The following KLF12 variants were observed in gnomAD, a reference collection of about 807,000 sequenced individuals.
The protein encoded by KLF12 is KLF transcription factor 12, also known as Krueppel-like factor 12.
KLF12 carries 9 observed loss-of-function variants against 37.8 expected under a neutral mutation model. The observed-to-expected ratio is 0.24, with a 90% CI of 0.14 to 0.42. KLF12 has a LOEUF of 0.42. Among genes scored for constraint, KLF12 ranks in the 10% least tolerant of loss-of-function variants. The pLI, the probability that KLF12 is intolerant of heterozygous loss-of-function variation, is 1.00. For missense variants in KLF12, 411 were observed against 516.0 expected (o/e 0.80, Z 1.97); for synonymous variants, 208 against 202.1 (o/e 1.03, Z -0.25).
intron 7 of KLF12, 49 bp downstream of exon 7, chr13:73,715,319 T>C: frequency 6.4e-7 from 1 of 1,570,358 alleles, no homozygotes; most frequent in Non-Finnish European, 8.7e-7. Flanking sequence ...TGGCCGGCGC[T>C]TTATGGACTC....
intron 2 of KLF12, among the ~76,000 whole-genome samples, chr13:73,965,121 A>G (rs974277092): frequency 4.6e-5 from 7 of 152,118 alleles, no homozygotes; most frequent in Non-Finnish European, 1.0e-4. Context: ...TCCAGATACC[A>G]TAACAGTCAA....
chr13:73,948,324 C>A (rs949370320), intron 2 of KLF12, among the ~76,000 whole-genome samples: 5 of 152,146 alleles, frequency 3.3e-5, no homozygotes, highest in Admixed American at 2.0e-4. Context: ...CAGGGTCAAG[C>A]AATTCTTGTG....
chr13:74,219,655 T>C, the KLF12 span, among the ~76,000 whole-genome samples: 1 of 152,214 alleles, frequency 6.6e-6, no homozygotes, highest in African/African-American at 2.4e-5. Flanking sequence ...TTAATGTGGG[T>C]CTTATTACTT....
Position 73,961,813 on chromosome 13 carries a change from T to C in KLF12, c.34-17743A>G, listed in dbSNP as rs142266331. 8.8e-3 allele frequency among the ~76,000 whole-genome samples: 1,335 copies of C among 152,258 alleles called. 29 individuals are homozygous for C. The highest frequency in any genetic ancestry group is 0.03 in the African/African-American group (1,228 of 41,554). ...CAACGAGATGCCATTACACAACTATTAGAATGGCCAAAATCCAAAACACTA... is the reference window on the plus strand; with the variant it reads ...CAACGAGATGCCATTACACAACTATCAGAATGGCCAAAATCCAAAACACTA... On this transcript the variant is annotated intron_variant, in intron 2 of 7. Coordinates refer to ENST00000377669, the MANE Select transcript of KLF12 (RefSeq NM_007249.5).
chr13:74,160,450 A>G, the KLF12 span, among the ~76,000 whole-genome samples: 2 of 152,260 alleles, frequency 1.3e-5, no homozygotes, highest in Non-Finnish European at 2.9e-5. Context: ...AGAGAATAAG[A>G]AAACTCATCT....
intron 6 of KLF12, among the ~76,000 whole-genome samples, chr13:73,757,489 G>A (rs1480122390): frequency 6.6e-6 from 1 of 152,132 alleles, no homozygotes; most frequent in African/African-American, 2.4e-5. Context: ...AGATCTGGTG[G>A]TCAACTGAGA....
chr13:73,927,039 G>A (rs1178180332), intron 3 of KLF12, among the ~76,000 whole-genome samples: 2 of 151,902 alleles, frequency 1.3e-5, no homozygotes, highest in African/African-American at 2.4e-5. Flanking sequence ...ATGTGAAAGG[G>A]TGTCATGTAT....
rs893074063 is a variant in KLF12, at chr13:73,690,906, A to C, written c.*4584T>G. 1 of 152,598 alleles carries C rather than the reference A, an allele frequency of 6.6e-6. No individual in the cohort carries two copies. The highest frequency in any genetic ancestry group is 1.5e-5 in the Non-Finnish European group (1 of 68,022). 9.5% of individuals were successfully genotyped at this position (152,598 alleles called of 1,614,324 possible). A position where few individuals can be genotyped will look rare whatever the true frequency, so the allele number is the denominator to read the frequency against. The stretch of plus-strand genomic sequence containing the variant: ...CCTTCTATTTCATTTTCTTATGAAA[A>C]TCTGGATTTCTATTGCAATTGCTCA... On this transcript the variant is annotated 3_prime_UTR_variant, in exon 8 of 8. Transcript: ENST00000377669.
At chr13:73,872,481 C>T (rs1886517836) in intron 3 of KLF12, among the ~76,000 whole-genome samples, 1 of 152,016 alleles carries the variant, frequency 6.6e-6, no homozygotes, top group Admixed American at 6.6e-5. Flanking sequence ...GGTGGGTGAC[C>T]CCTCACATGA....
intron 3 of KLF12, among the ~76,000 whole-genome samples, chr13:73,897,435 G>C (rs1156753485): frequency 2.6e-5 from 4 of 152,048 alleles, no homozygotes; most frequent in Non-Finnish European, 5.9e-5. Flanking sequence ...CACTCAGGTG[G>C]AACTAAATCC....
At chr13:73,903,953 T>A (rs73523212) in intron 3 of KLF12, among the ~76,000 whole-genome samples, 7,123 of 152,228 alleles carry the variant, frequency 0.047, 385 homozygotes, top group African/African-American at 0.13. Flanking sequence ...GGTTCCATTC[T>A]CGGAAAAATT....
At position 73,973,556 on chromosome 13, in the gene KLF12, C is replaced by G. The variant is rs1322715591; in HGVS notation, c.33+21434G>C. Among the ~76,000 whole-genome samples, 6 of 152,062 alleles carry G rather than the reference C, an allele frequency of 3.9e-5. No individual in the cohort carries two copies. In the East Asian group the frequency reaches 9.7e-4, roughly 24 times the overall value. On this transcript the variant is annotated intron_variant, in intron 2 of 7. Coordinates refer to ENST00000377669, the MANE Select transcript of KLF12 (RefSeq NM_007249.5). ...ACAGCAAAACGGAAGATATAATAAC[C>G]AATTCTCAAAGTGTAGCTCCCTAGA...
chr13:74,199,699 A>G, the KLF12 span, among the ~76,000 whole-genome samples: 4 of 152,204 alleles, frequency 2.6e-5, no homozygotes, highest in Non-Finnish European at 5.9e-5. Context: ...AGCCATGTTG[A>G]TTGTCAATAA....
At position 73,775,063 on chromosome 13, in the gene KLF12, A is replaced by G. The variant is rs952223320; in HGVS notation, c.807-10063T>C. 5.3e-5 allele frequency among the ~76,000 whole-genome samples: 8 copies of G among 151,960 alleles called. No homozygotes were observed. In the South Asian group the frequency reaches 1.0e-3, roughly 20 times the overall value. ...CTCCTGAGTAGCTGGGATTACAGGTATGTGCCACCATGCCTGGCTAATTTT... is the reference window on the plus strand; with the variant it reads ...CTCCTGAGTAGCTGGGATTACAGGTGTGTGCCACCATGCCTGGCTAATTTT... On this transcript the variant is annotated intron_variant, in intron 5 of 7. Transcript: ENST00000377669.
intron 1 of KLF12, among the ~76,000 whole-genome samples, chr13:74,101,705 G>A (rs1235287558): frequency 6.6e-6 from 1 of 152,070 alleles, no homozygotes; most frequent in Non-Finnish European, 1.5e-5. Context: ...ACCAAATATA[G>A]GACAATATGA....
intron 1 of KLF12, among the ~76,000 whole-genome samples, chr13:74,024,044 T>C (rs1347513231): frequency 6.6e-6 from 1 of 152,204 alleles, no homozygotes; most frequent in East Asian, 1.9e-4. Flanking sequence ...TGTGTATGGC[T>C]TATAACTTTC....
At chr13:73,877,087 T>C (rs977010262) in intron 3 of KLF12, among the ~76,000 whole-genome samples, 2 of 152,200 alleles carry the variant, frequency 1.3e-5, no homozygotes, top group African/African-American at 2.4e-5. Flanking sequence ...TCCCATTCAA[T>C]TTCTTTGGGA....
the KLF12 span, among the ~76,000 whole-genome samples, chr13:74,155,654 CG>C: frequency 6.6e-6 from 1 of 151,666 alleles, no homozygotes; most frequent in Non-Finnish European, 1.5e-5. Flanking sequence ...GGAACCACCA[CG>C]CCCAGCCTGT....
At chr13:73,971,698 A>T (rs2138108313) in intron 2 of KLF12, among the ~76,000 whole-genome samples, 1 of 152,310 alleles carries the variant, frequency 6.6e-6, no homozygotes, top group African/African-American at 2.4e-5. Flanking sequence ...CGTCAATGAA[A>T]ATACTACATT....
Sources: gnomAD v4.1 joint callset for allele counts (sites outside exome capture counted in the v4.1 genomes callset) on GRCh38, gnomAD v4.1.1 for gene constraint, MANE v1.5 for transcripts, NCBI Gene and HGNC (gene_info 2026-07-23, HGNC 2026-07-21) for gene names.